FYN: variants seen among roughly 807,000 people sequenced by gnomAD.
FYN encodes the protein FYN proto-oncogene, Src family tyrosine kinase.
Under a neutral mutation model 70.2 loss-of-function variants are expected in FYN, and 10 were observed. The observed-to-expected ratio is 0.14, with a 90% CI of 0.09 to 0.24. The LOEUF is 0.24. FYN is among the 10% of genes least tolerant of loss of function. The pLI, the probability that FYN is intolerant of heterozygous loss-of-function variation, is 1.00. For missense variants in FYN, 319 were observed against 673.1 expected, an observed-to-expected ratio of 0.47 and a Z score of 5.82; for synonymous variants, 236 against 248.6, an observed-to-expected ratio of 0.95 and a Z score of 0.48.
At chr6:111,772,873 T>G (rs1803505808) in intron 3 of FYN, among the ~76,000 whole-genome samples, 1 of 152,040 alleles carries the variant, frequency 6.6e-6, no homozygotes, top group East Asian at 1.9e-4. Flanking sequence ...AGGTAAGTTA[T>G]AAAATATTAT....
At chr6:111,757,154 CTAAG>C (rs71021862) in intron 3 of FYN, among the ~76,000 whole-genome samples, 56 of 152,178 alleles carry the variant, frequency 3.7e-4, no homozygotes, top group Non-Finnish European at 6.2e-4. Context: ...CAGCAAACGG[CTAAG>C]TATTAGTTTA....
chr6:111,866,608 C>T (rs966753904), intron 1 of FYN, among the ~76,000 whole-genome samples: 6 of 152,256 alleles, frequency 3.9e-5, no homozygotes, highest in South Asian at 2.1e-4. Context: ...TCCCAAAGTG[C>T]TGGGATTACA....
At chr6:111,679,988 A>C (rs1798716919) in intron 12 of FYN, among the ~76,000 whole-genome samples, 1 of 152,152 alleles carries the variant, frequency 6.6e-6, no homozygotes, top group Non-Finnish European at 1.5e-5. Context: ...AATAGACTGG[A>C]TTAAGAATAA....
chr6:111,833,222 GCT>G (rs1288040007), intron 2 of FYN, among the ~76,000 whole-genome samples: 1 of 152,126 alleles, frequency 6.6e-6, no homozygotes, highest in African/African-American at 2.4e-5. Flanking sequence ...CCACAGGAAA[GCT>G]CTGTGTTCTC....
intron 2 of FYN, among the ~76,000 whole-genome samples, chr6:111,811,168 T>C (rs1772313227): frequency 6.6e-6 from 1 of 152,236 alleles, no homozygotes; most frequent in Non-Finnish European, 1.5e-5. Flanking sequence ...AGCTCAGTTT[T>C]AGGTACACAA....
chr6:111,810,320 T>C (rs1052793081), intron 2 of FYN, among the ~76,000 whole-genome samples: 2 of 152,198 alleles, frequency 1.3e-5, no homozygotes, highest in Non-Finnish European at 2.9e-5. Flanking sequence ...CTCTGATTCA[T>C]GGAAGGCCTT....
At chr6:111,822,393 C>T (rs1772693281) in intron 2 of FYN, among the ~76,000 whole-genome samples, 1 of 152,024 alleles carries the variant, frequency 6.6e-6, no homozygotes, top group Admixed American at 6.6e-5. Context: ...AAAAACCAAA[C>T]ACCGCATGTT....
chr6:111,765,183 C>T (rs1366337746), intron 3 of FYN, among the ~76,000 whole-genome samples: 2 of 152,146 alleles, frequency 1.3e-5, no homozygotes, highest in African/African-American at 4.8e-5. Context: ...CTCAGAGGAT[C>T]AGAAGAATTT....
intron 2 of FYN, among the ~76,000 whole-genome samples, chr6:111,827,873 C>T (rs995858038): frequency 3.9e-5 from 6 of 152,116 alleles, no homozygotes; most frequent in African/African-American, 1.4e-4. Flanking sequence ...TGAAATCTGA[C>T]ACTTCTCATC....
intron 12 of FYN, among the ~76,000 whole-genome samples, chr6:111,680,647 G>C (rs369432944): frequency 6.6e-6 from 1 of 152,210 alleles, no homozygotes; most frequent in Non-Finnish European, 1.5e-5. Flanking sequence ...CAAGGCCCAT[G>C]GGTGTCTATC....
intron 2 of FYN, among the ~76,000 whole-genome samples, chr6:111,814,901 T>TA (rs1290042332): frequency 6.6e-6 from 1 of 152,198 alleles, no homozygotes; most frequent in Non-Finnish European, 1.5e-5. Flanking sequence ...TCTCAACTTT[T>TA]AAAAAAATTG....
chr6:111,662,905 T>C (rs1367545777), intron 13 of FYN, among the ~76,000 whole-genome samples: 1 of 152,134 alleles, frequency 6.6e-6, no homozygotes, highest in East Asian at 1.9e-4. Context: ...ATTTGAGGTT[T>C]TTCTGACTCT....
intron 3 of FYN, among the ~76,000 whole-genome samples, chr6:111,733,476 G>T (rs1398433945): frequency 6.6e-6 from 1 of 152,222 alleles, no homozygotes; most frequent in Non-Finnish European, 1.5e-5. Context: ...AAGTCTCCGG[G>T]ACATCTTAGT....
At chr6:111,844,851 A>G (rs1236665361) in intron 2 of FYN, 2 of 152,270 alleles carry the variant, frequency 1.3e-5, no homozygotes, top group Admixed American at 6.5e-5. Flanking sequence ...AAACAAAAAC[A>G]AAAACAAAAT....
In FYN at chr6:111,720,055, C is replaced by G; in HGVS notation, c.-4G>C. 1 of 1,584,466 alleles carries G rather than the reference C, an allele frequency of 6.3e-7. No individual in the cohort carries two copies. The highest frequency in any genetic ancestry group is 8.6e-7 in the Non-Finnish European group (1 of 1,160,384). Reference sequence around the variant, plus strand: ...CCTTACATTGCACACAGCCCATTATCTAAATTCCTGCCAAAGACAAAAAAG... The same window carrying G: ...CCTTACATTGCACACAGCCCATTATGTAAATTCCTGCCAAAGACAAAAAAG... On this transcript the variant is annotated 5_prime_UTR_variant, in exon 4 of 14. Transcript: ENST00000354650.
intron 2 of FYN, among the ~76,000 whole-genome samples, chr6:111,832,304 A>G (rs549114663): frequency 6.6e-6 from 1 of 152,342 alleles, no homozygotes; most frequent in Admixed American, 6.5e-5. Flanking sequence ...TACTACTGCA[A>G]ACAGAATTGT....
chr6:111,761,941 G>A (rs575036820), intron 3 of FYN, among the ~76,000 whole-genome samples: 22 of 152,298 alleles, frequency 1.4e-4, no homozygotes, highest in East Asian at 5.8e-4. Context: ...TCAGCTCACC[G>A]TCAAAGCAGG....
chr6:111,811,475 T>G (rs1772322799), intron 2 of FYN, among the ~76,000 whole-genome samples: 1 of 152,220 alleles, frequency 6.6e-6, no homozygotes, highest in Admixed American at 6.5e-5. Flanking sequence ...GTTTCACAAA[T>G]AGACTTGTTT....
intron 1 of FYN, among the ~76,000 whole-genome samples, chr6:111,854,043 T>C (rs1773758015): frequency 3.9e-5 from 6 of 152,248 alleles, no homozygotes; most frequent in Admixed American, 3.3e-4. Context: ...TGCTGGTTTA[T>C]GCCTGTTGTC....
Sources: gnomAD v4.1 joint callset for allele counts (sites outside exome capture counted in the v4.1 genomes callset) on GRCh38, gnomAD v4.1.1 for gene constraint, MANE v1.5 for transcripts, NCBI Gene and HGNC (gene_info 2026-07-23, HGNC 2026-07-21) for gene names.